The following KIAA2012 variants were observed in gnomAD, a reference collection of about 807,000 sequenced individuals.
KIAA2012 encodes uncharacterized protein KIAA2012.
In KIAA2012, 125 loss-of-function variants were observed where a neutral mutation model predicts 150.6. The observed-to-expected ratio is 0.83, with a 90% confidence interval of 0.72 to 0.96. The LOEUF is 0.96. Ranked by LOEUF, KIAA2012 falls within the 40% of genes least tolerant of loss-of-function variation. KIAA2012 has a pLI of 0.00. For missense variants in KIAA2012, 1,219 were observed against 1,354.9 expected, an observed-to-expected ratio of 0.90 and a Z score of 1.57; for synonymous variants, 462 against 504.7, an observed-to-expected ratio of 0.92 and a Z score of 1.13.
At chr2:202,125,000 G>A (rs967452881) in intron 11 of KIAA2012, among the ~76,000 whole-genome samples, 1 of 152,204 alleles carries the variant, frequency 6.6e-6, no homozygotes, top group Admixed American at 6.5e-5. Flanking sequence ...AACCCTGTAG[G>A]CAGAGGTTGC....
At chr2:202,149,428 T>C (rs1349309981) in intron 13 of KIAA2012, among the ~76,000 whole-genome samples, 1 of 152,208 alleles carries the variant, frequency 6.6e-6, no homozygotes, top group Non-Finnish European at 1.5e-5. Flanking sequence ...CCCCAGCACA[T>C]TTCAGATCTT....
intron 23 of KIAA2012, 112 bp downstream of exon 23, chr2:202,202,699 G>A (rs1177869477): frequency 7.7e-6 from 3 of 390,462 alleles, no homozygotes; most frequent in South Asian, 1.4e-4. Flanking sequence ...AGGCTGAGGC[G>A]GGAGGCTTGC....
chr2:202,133,994 T>TA (rs1403187065), intron 12 of KIAA2012, among the ~76,000 whole-genome samples: 1 of 151,710 alleles, frequency 6.6e-6, no homozygotes, highest in African/African-American at 2.4e-5. Context: ...TTTTTTTTTT[T>TA]AATAATCTGG....
intron 13 of KIAA2012, among the ~76,000 whole-genome samples, chr2:202,141,296 G>T (rs1230046782): frequency 6.6e-6 from 1 of 152,074 alleles, no homozygotes; most frequent in Admixed American, 6.6e-5. Flanking sequence ...CAAGGAGCGG[G>T]GCCTAGGCAG....
chr2:202,149,533 T>A (rs539583686), intron 13 of KIAA2012, among the ~76,000 whole-genome samples: 12 of 152,324 alleles, frequency 7.9e-5, no homozygotes, highest in African/African-American at 2.9e-4. Flanking sequence ...TCCGGCAGAA[T>A]GAAGTTGTGA....
rs186393198 is a variant in KIAA2012, at chr2:202,100,420, A to G, written c.1126A>G (p.Ile376Val). Residue 376 changes from isoleucine (I) to valine (V), a missense_variant, in exon 7 of 24, where the codon ATC (isoleucine) becomes GTC (valine). Coordinates refer to ENST00000498697, the MANE Select transcript of KIAA2012 (RefSeq NM_001277372.4). ...PVASATGSRI[I>V]TPGEVKKKKA... ...AGCATCTGCCACTGGCTCCAGAATA[A>G]TCACCCCTGGGGAAGTGAAGAAGAA... 189 of 1,550,596 alleles carry G rather than the reference A, an allele frequency of 1.2e-4. 1 individual carries two copies. Among genetic ancestry groups the G allele is most frequent in the Admixed American group, 7.8e-5 (4 of 51,006 alleles).
chr2:202,185,544 C>T (rs1692210867), intron 16 of KIAA2012, among the ~76,000 whole-genome samples: 1 of 152,096 alleles, frequency 6.6e-6, no homozygotes, highest in African/African-American at 2.4e-5. Context: ...ACCAGAGGAA[C>T]ACCATTTTTA....
chr2:202,162,865 G>A (rs13413165), intron 14 of KIAA2012, among the ~76,000 whole-genome samples: 49,123 of 146,548 alleles, frequency 0.34, 8,481 homozygotes, highest in South Asian at 0.4. Context: ...GGGAGGCGGA[G>A]GTTGCAGTGA....
At chr2:202,076,758 C>T (rs1315922612) in intron 2 of KIAA2012, among the ~76,000 whole-genome samples, 1 of 152,094 alleles carries the variant, frequency 6.6e-6, no homozygotes, top group Non-Finnish European at 1.5e-5. Context: ...TTGCACTCTG[C>T]CCTGTTGTTT....
chr2:202,108,367 G>GT (rs1405023382), intron 9 of KIAA2012, among the ~76,000 whole-genome samples: 1 of 152,188 alleles, frequency 6.6e-6, no homozygotes, highest in African/African-American at 2.4e-5. Flanking sequence ...AAACACTGGT[G>GT]TAATAGTACT....
chr2:202,177,426 A>T (rs1432878603), intron 15 of KIAA2012, among the ~76,000 whole-genome samples: 1 of 152,218 alleles, frequency 6.6e-6, no homozygotes, highest in African/African-American at 2.4e-5. Context: ...TGGGTAATTT[A>T]TGAAGAACAG....
At position 202,097,608 on chromosome 2, in the gene KIAA2012, G is replaced by A. The variant is rs62195577; in HGVS notation, c.828+31G>A. The A allele has an allele frequency of 1.8e-5, 27 of 1,529,382 alleles. 1 individual carries two copies. Among genetic ancestry groups the A allele is most frequent in the East Asian group, 1.2e-4 (5 of 40,608 alleles). 94.7% of individuals were successfully genotyped at this position (1,529,382 alleles called of 1,614,324 possible). ...ATTTCTTTTTTTTTTTTTTTTCCCC[G>A]AGACGGAGTCTCACTCTGTCACCCA... On this transcript the variant is annotated intron_variant, in intron 5 of 23. Transcript: ENST00000498697.
At chr2:202,112,464 C>A (rs1394755227) in intron 10 of KIAA2012, among the ~76,000 whole-genome samples, 1 of 152,170 alleles carries the variant, frequency 6.6e-6, no homozygotes, top group African/African-American at 2.4e-5. Context: ...AGCTGTCCTA[C>A]CAAATTGTTG....
rs1340950912 is a variant in KIAA2012, at chr2:202,100,457, G to A, written c.1155+8G>A. 2.6e-6 allele frequency: 4 copies of A among 1,547,574 alleles called. No individual in the cohort carries two copies. Among genetic ancestry groups the A allele is most frequent in the Non-Finnish European group, 3.5e-6 (4 of 1,144,788 alleles). On this transcript the variant is annotated splice_region_variant and intron_variant, in intron 7 of 23. Transcript: ENST00000498697. Reference sequence around the variant, plus strand: ...GAAGTGAAGAAGAAAAAGGTTGTGTGTATATGTATGTTTGTGCATACAGGA... The same window carrying A: ...GAAGTGAAGAAGAAAAAGGTTGTGTATATATGTATGTTTGTGCATACAGGA...
At chr2:202,146,857 G>A (rs903321080) in intron 13 of KIAA2012, among the ~76,000 whole-genome samples, 28 of 152,060 alleles carry the variant, frequency 1.8e-4, no homozygotes, top group Admixed American at 1.3e-4. Flanking sequence ...GTGGCTTTAG[G>A]CAGGCTATTT....
intron 1 of KIAA2012, among the ~76,000 whole-genome samples, chr2:202,074,527 C>A (rs973081972): frequency 4.6e-5 from 7 of 152,156 alleles, no homozygotes; most frequent in Non-Finnish European, 7.3e-5. Context: ...ATTTAAACTG[C>A]CAGCTAGTCC....
chr2:202,143,159 A>C (rs1157838669), intron 13 of KIAA2012, among the ~76,000 whole-genome samples: 2 of 145,924 alleles, frequency 1.4e-5, no homozygotes, highest in Non-Finnish European at 1.5e-5. Context: ...AACTCGGCTC[A>C]CTGCAACCTC....
chr2:202,098,820 G>A (rs1373671646), intron 5 of KIAA2012, among the ~76,000 whole-genome samples: 1 of 145,662 alleles, frequency 6.9e-6, no homozygotes, highest in Non-Finnish European at 1.5e-5. Flanking sequence ...GTGTGTGTGT[G>A]CACGCGCGCG....
chr2:202,087,029 A>G (rs1689589451), intron 2 of KIAA2012, among the ~76,000 whole-genome samples: 1 of 152,202 alleles, frequency 6.6e-6, no homozygotes, highest in Admixed American at 6.5e-5. Context: ...GGAATCAGCA[A>G]ACACTGCTCA....
Sources: allele counts gnomAD v4.1 joint callset (sites outside exome capture counted in the v4.1 genomes callset), GRCh38; gene constraint gnomAD v4.1.1; transcripts MANE v1.5; gene names NCBI Gene and HGNC (gene_info 2026-07-23, HGNC 2026-07-21).